The following CSRNP3 variants were observed in gnomAD, a reference collection of about 807,000 sequenced individuals.
CSRNP3 encodes cysteine/serine-rich nuclear protein 3.
In CSRNP3, 12 loss-of-function variants were observed where a neutral mutation model predicts 48.0. The observed-to-expected ratio is 0.25, with a 90% CI of 0.16 to 0.41. The LOEUF is 0.41. Among genes scored for constraint, CSRNP3 ranks in the 10% least tolerant of loss-of-function variants. The pLI is 1.00. For missense variants in CSRNP3, 580 were observed against 724.4 expected, an observed-to-expected ratio of 0.80 and a Z score of 2.29; for synonymous variants, 263 against 269.7, an observed-to-expected ratio of 0.98 and a Z score of 0.24.
chr2:165,657,777 A>T lies in CSRNP3; in HGVS notation c.165A>T (p.Lys55Asn). The T allele has an allele frequency of 6.2e-7, 1 of 1,613,578 alleles. No homozygotes were observed. Among genetic ancestry groups the T allele is most frequent in the Non-Finnish European group, 8.5e-7 (1 of 1,179,588 alleles). The change falls in exon 5 of 7, where the codon AAA becomes AAT. Residue 55 changes from lysine to asparagine, a missense_variant. By Grantham distance (94) the Lys-to-Asn change is moderately conservative (BLOSUM62 0). Around this residue, in one of 4 missense-constraint regions of CSRNP3, gnomAD observed 83 missense variants for 139.6 expected, o/e 0.59. Transcript: ENST00000651982. ...SSHFTPSSIL[K>N]REKRLRTKNV... ...CTCTTTCAGCTTCCTCCATTCTCAA[A>T]AGGGAGAAACGACTGAGGACAAAGA...
chr2:165,607,977 C>A (rs1482546650), intron 4 of CSRNP3, among the ~76,000 whole-genome samples: 1 of 151,114 alleles, frequency 6.6e-6, no homozygotes, highest in East Asian at 2.0e-4. Flanking sequence ...AGTATGCCAC[C>A]AATAGTCCCT....
At position 165,679,373 on chromosome 2, in the gene CSRNP3, G is replaced by A; in HGVS notation, c.1378G>A (p.Val460Ile). 3.1e-6 allele frequency: 5 copies of A among 1,613,522 alleles called. No individual in the cohort carries two copies. The highest frequency in any genetic ancestry group is 4.2e-6 in the Non-Finnish European group (5 of 1,179,884). The change falls in exon 7 of 7, where the codon GTC becomes ATC. Residue 460 changes from valine (V) to isoleucine (I), a missense_variant. Transcript: ENST00000651982. ...TGAGAACTATTCTGAAAGAGACACT[G>A]TCAAAAATGGTACCCTTTCGCTGGT... ...ISENYSERDT[V>I]KNGTLSLVPY...
chr2:165,666,172 AAGG>A (rs1326540825), intron 5 of CSRNP3, among the ~76,000 whole-genome samples: 3 of 99,814 alleles, frequency 3.0e-5, no homozygotes, highest in East Asian at 3.4e-4. Context: ...GAGAGAGAGA[AAGG>A]AAGGAAGGAA....
chr2:165,678,420 A>G (rs960769620), intron 6 of CSRNP3, among the ~76,000 whole-genome samples: 1 of 152,134 alleles, frequency 6.6e-6, no homozygotes, highest in Non-Finnish European at 1.5e-5. Context: ...ATACAGAAAA[A>G]AGGGTAGAAA....
chr2:165,675,646 G>A (rs1276789077), intron 5 of CSRNP3, among the ~76,000 whole-genome samples: 1 of 152,202 alleles, frequency 6.6e-6, no homozygotes, highest in Non-Finnish European at 1.5e-5. Flanking sequence ...TGAGGGCAGA[G>A]TTTATTGTTT....
intron 3 of CSRNP3, among the ~76,000 whole-genome samples, chr2:165,534,816 A>G (rs965519313): frequency 1.3e-5 from 2 of 151,792 alleles, no homozygotes; most frequent in African/African-American, 4.8e-5. Context: ...TACATTAATA[A>G]TATTTATCAA....
intron 3 of CSRNP3, among the ~76,000 whole-genome samples, chr2:165,583,865 A>G (rs568845753): frequency 2.2e-4 from 33 of 152,336 alleles, no homozygotes; most frequent in Non-Finnish European, 4.4e-4. Context: ...CCAGACTCCA[A>G]GAGAGGGTTC....
intron 3 of CSRNP3, among the ~76,000 whole-genome samples, chr2:165,592,577 G>A (rs1463719562): frequency 1.3e-5 from 2 of 152,018 alleles, no homozygotes; most frequent in Admixed American, 6.5e-5. Context: ...GGATGTGTTG[G>A]GGGGGTAATT....
At chr2:165,552,056 C>T (rs760187752) in intron 3 of CSRNP3, among the ~76,000 whole-genome samples, 2 of 152,170 alleles carry the variant, frequency 1.3e-5, no homozygotes, top group Non-Finnish European at 2.9e-5. Flanking sequence ...ACTTTATCAT[C>T]ACAACATGGG....
At chr2:165,646,268 G>T (rs1686811120) in intron 4 of CSRNP3, among the ~76,000 whole-genome samples, 1 of 152,046 alleles carries the variant, frequency 6.6e-6, no homozygotes, top group Non-Finnish European at 1.5e-5. Context: ...GCCCAGTCTT[G>T]CTCTCCAGAA....
At chr2:165,580,799 A>T (rs1685531894) in intron 3 of CSRNP3, among the ~76,000 whole-genome samples, 1 of 152,202 alleles carries the variant, frequency 6.6e-6, no homozygotes, top group South Asian at 2.1e-4. Context: ...GAAGAAACAA[A>T]AAATGCTATC....
At chr2:165,656,528 T>C (rs1687008091) in intron 4 of CSRNP3, among the ~76,000 whole-genome samples, 1 of 152,162 alleles carries the variant, frequency 6.6e-6, no homozygotes, top group Non-Finnish European at 1.5e-5. Flanking sequence ...TAAATATATA[T>C]AATTTTTATT....
chr2:165,665,953 A>T (rs1687180133), intron 5 of CSRNP3, among the ~76,000 whole-genome samples: 2 of 138,108 alleles, frequency 1.4e-5, no homozygotes, highest in Non-Finnish European at 3.2e-5. Context: ...GGAAGGAAGG[A>T]CGGAAGGAAA....
intron 4 of CSRNP3, among the ~76,000 whole-genome samples, chr2:165,618,312 G>C (rs1686285335): frequency 6.6e-6 from 1 of 152,144 alleles, no homozygotes; most frequent in Admixed American, 6.5e-5. Flanking sequence ...TCAAGTTTCT[G>C]TACTTCAGAG....
At chr2:165,512,011 T>A (rs1437550325) in intron 2 of CSRNP3, among the ~76,000 whole-genome samples, 1 of 152,158 alleles carries the variant, frequency 6.6e-6, no homozygotes, top group African/African-American at 2.4e-5. Context: ...TGATGAATAA[T>A]GGTATTTAGT....
intron 4 of CSRNP3, among the ~76,000 whole-genome samples, chr2:165,649,237 G>C (rs1686865813): frequency 6.6e-6 from 1 of 152,096 alleles, no homozygotes; most frequent in African/African-American, 2.4e-5. Context: ...TTATATGAGA[G>C]GGTTTTTTTC....
At chr2:165,622,425 A>G (rs1686355979) in intron 4 of CSRNP3, among the ~76,000 whole-genome samples, 1 of 152,228 alleles carries the variant, frequency 6.6e-6, no homozygotes, top group African/African-American at 2.4e-5. Context: ...CAACAAAATA[A>G]TAATAGCTTT....
chr2:165,604,843 T>G (rs903466247), intron 4 of CSRNP3, among the ~76,000 whole-genome samples: 1 of 152,210 alleles, frequency 6.6e-6, no homozygotes. Flanking sequence ...TTGTTTTAAA[T>G]TCAGGATCAG....
chr2:165,638,878 A>G (rs933661837), intron 4 of CSRNP3, among the ~76,000 whole-genome samples: 89 of 152,334 alleles, frequency 5.8e-4, no homozygotes, highest in African/African-American at 1.9e-3. Context: ...GTTATGTTCT[A>G]TAAGGTTTCA....
Sources: gnomAD v4.1 joint callset for allele counts (sites outside exome capture counted in the v4.1 genomes callset) on GRCh38, gnomAD v4.1.1 for gene constraint, gnomAD v4.1.1 regional missense constraint, MANE v1.5 for transcripts, NCBI Gene and HGNC (gene_info 2026-07-23, HGNC 2026-07-21) for gene names.